Variants in CASK observed in about 807,000 individuals in gnomAD.
CASK encodes the protein peripheral plasma membrane protein CASK.
In CASK, 4 loss-of-function variants were observed where a neutral mutation model predicts 82.9. The ratio of observed to expected loss-of-function variants is 0.05; its 90% CI spans 0.02 to 0.11. CASK has a LOEUF of 0.11. CASK is among the 10% of genes least tolerant of loss of function. The pLI is 1.00. For synonymous variants in CASK, 259 were observed against 253.5 expected (o/e 1.02, Z -0.20); for missense variants, 358 against 720.9 (o/e 0.50, Z 5.76).
chrX:41,616,311 C>T (rs1424950197), intron 11 of CASK, among the ~76,000 whole-genome samples: 1 of 111,715 alleles, frequency 9.0e-6, no homozygotes. Context: ...TTATTATGTT[C>T]CAGGAACATC....
At chrX:41,814,941 G>C (rs1194101372) in intron 2 of CASK, among the ~76,000 whole-genome samples, 1 of 111,198 alleles carries the variant, frequency 9.0e-6, no homozygotes, top group Non-Finnish European at 1.9e-5. Context: ...AATGGAATGA[G>C]TACCAAATGA....
At chrX:41,815,570 A>G (rs925529573) in intron 2 of CASK, among the ~76,000 whole-genome samples, 1 of 111,921 alleles carries the variant, frequency 8.9e-6, no homozygotes, top group Non-Finnish European at 1.9e-5. Flanking sequence ...TGGATGAACT[A>G]AACAGATTAG....
chrX:41,640,989 T>C (rs1202103567), intron 8 of CASK, among the ~76,000 whole-genome samples: 99 of 94,782 alleles, frequency 1.0e-3, no homozygotes, highest in African/African-American at 3.7e-3. Context: ...TTTTTTTTTT[T>C]TTTTTTTTTT....
rs182354197 is a variant in CASK, at chrX:41,516,567, C to G, written c.*3853G>C. On this transcript the variant is annotated 3_prime_UTR_variant, in exon 27 of 27. Coordinates refer to ENST00000378163, the MANE Select transcript of CASK (RefSeq NM_001367721.1). ...ACGCTCAGGGACCTTTAACTTATTA[C>G]AGCCTGTAATCGCTCTCAGTATTGT... 8.9e-6 allele frequency: 1 copy of G among 112,040 alleles called. No individual in the cohort carries two copies. Among genetic ancestry groups the G allele is most frequent in the East Asian group, 2.8e-4 (1 of 3,591 alleles). The allele number at this position is 112,040 out of a possible 1,213,427, so 9.2% of individuals were successfully genotyped here.
chrX:41,826,194 T>C (rs774976663), intron 2 of CASK, among the ~76,000 whole-genome samples: 38 of 111,991 alleles, frequency 3.4e-4, no homozygotes, highest in Non-Finnish European at 5.5e-4. Context: ...ATCTCTCCCA[T>C]CCAGAGGTGG....
chrX:41,664,099 C>A (rs1205978922), intron 7 of CASK, among the ~76,000 whole-genome samples: 2 of 111,700 alleles, frequency 1.8e-5, no homozygotes, highest in African/African-American at 6.5e-5. Context: ...CTGAAAACAT[C>A]TTTCTCTGTT....
At chrX:41,559,621 G>A (rs182697888) in intron 18 of CASK, 158 bp downstream of exon 18, 15 of 520,368 alleles carry the variant, frequency 2.9e-5, no homozygotes, top group Admixed American at 2.7e-4. Context: ...TAGGTGGATG[G>A]GACCTACTCT....
intron 13 of CASK, 109 bp downstream of exon 13, chrX:41,589,406 G>T (rs1602310170): frequency 1.8e-6 from 1 of 544,664 alleles, no homozygotes; most frequent in Non-Finnish European, 3.2e-6. Context: ...AATATAATGA[G>T]TCAAATTGTG....
rs2066022623 is a variant in CASK at position 41,610,124 on chromosome X, A to T, written c.1034-99T>A. On this transcript the variant is annotated intron_variant, in intron 11 of 26. Transcript: ENST00000378163. ...TTACACTTAAGAACAATGAATTCATATCAGAACTTCAAAGGCTAGTGTCTT... is the reference window on the plus strand; with the variant it reads ...TTACACTTAAGAACAATGAATTCATTTCAGAACTTCAAAGGCTAGTGTCTT... 5.9e-6 allele frequency: 5 copies of T among 854,369 alleles called. No individual in the cohort carries two copies. The Admixed American group carries it at 1.3e-4, about 22-fold the overall frequency. The allele number at this position is 854,369 out of a possible 1,213,427, so 70.4% of individuals were successfully genotyped here. A position where few individuals can be genotyped will look rare whatever the true frequency, so the allele number is the denominator to read the frequency against.
chrX:41,569,684 G>T lies in CASK; in HGVS notation c.1566C>A (p.Gly522=). 6 of 1,171,085 alleles carry T rather than the reference G, an allele frequency of 5.1e-6. No homozygotes were observed. The highest frequency in any genetic ancestry group is 7.0e-6 in the Non-Finnish European group (6 of 860,261). Residue 522 remains glycine, a synonymous_variant, in exon 16 of 27, where the codon GGC becomes GGA. Transcript: ENST00000378163. The part of the protein sequence containing the change: ...HCIVARIMHG[G]MIHRQGTLHV... ...GAAACTTACCTTGCCTGTGAATCAT[G>T]CCCCCATGCATAATTCTTGCAACAA...
At chrX:41,833,450 G>A (rs1028059143) in intron 2 of CASK, among the ~76,000 whole-genome samples, 1 of 111,643 alleles carries the variant, frequency 9.0e-6, no homozygotes, top group African/African-American at 3.3e-5. Flanking sequence ...CATAGAAATA[G>A]AAAGTAGACT....
chrX:41,558,112 G>A (rs1343721355), intron 18 of CASK: 1 of 109,963 alleles, frequency 9.1e-6, no homozygotes, highest in Admixed American at 9.8e-5. Context: ...GAGGGGCAGG[G>A]GTCTACTCTT....
intron 16 of CASK, chrX:41,562,520 C>T: frequency 8.9e-6 from 1 of 111,894 alleles, no homozygotes; most frequent in East Asian, 2.8e-4. Flanking sequence ...GAAATGGTGT[C>T]ATACAGACTA....
At chrX:41,789,981 G>A (rs1445764431) in intron 2 of CASK, among the ~76,000 whole-genome samples, 1 of 111,472 alleles carries the variant, frequency 9.0e-6, no homozygotes, top group Non-Finnish European at 1.9e-5. Context: ...CCAGGTTGGA[G>A]TGCAGTGGCG....
chrX:41,534,906 T>G lies in CASK; in HGVS notation c.2223A>C (p.Thr741=). 8.4e-7 allele frequency: 1 copy of G among 1,193,160 alleles called. No homozygotes were observed. Among genetic ancestry groups the G allele is most frequent in the Non-Finnish European group, 1.1e-6 (1 of 878,684 alleles). Residue 741 remains threonine, a synonymous_variant, in exon 23 of 27, where the codon ACA becomes ACC. Transcript: ENST00000378163. Reference sequence around the variant, plus strand: ...AATCAAACTTACCTAATAAGACTAGTGTTTTCCTCTTGAATGCTGGCAGTT... The same window carrying G: ...AATCAAACTTACCTAATAAGACTAGGGTTTTCCTCTTGAATGCTGGCAGTT... ...VVKLPAFKRK[T]LVLLGAHGVG... is the part of the protein sequence containing the mutation.
chrX:41,695,805 A>T, intron 5 of CASK: 2 of 1,205,649 alleles, frequency 1.7e-6, no homozygotes, highest in Non-Finnish European at 2.2e-6. Flanking sequence ...TACTGTGTTA[A>T]CCACATCCTA....
At chrX:41,650,628 C>T (rs1406538199) in intron 8 of CASK, among the ~76,000 whole-genome samples, 2 of 107,241 alleles carry the variant, frequency 1.9e-5, no homozygotes, top group Admixed American at 1.0e-4. Context: ...TGCAGCCTTT[C>T]ACTCCTGGGC....
intron 8 of CASK, among the ~76,000 whole-genome samples, chrX:41,641,408 C>CT (rs1431493859): frequency 3.6e-5 from 4 of 111,486 alleles, no homozygotes; most frequent in Non-Finnish European, 7.5e-5. Context: ...ATCCTTTTCA[C>CT]TTTTTTTAAA....
At chrX:41,829,610 T>A (rs1389860503) in intron 2 of CASK, among the ~76,000 whole-genome samples, 2 of 27,995 alleles carry the variant, frequency 7.1e-5, no homozygotes, top group African/African-American at 2.7e-4. Flanking sequence ...GTTTTTGTTT[T>A]TTTTTTTTTT....
Sources: gnomAD v4.1 joint callset for allele counts (sites outside exome capture counted in the v4.1 genomes callset) on GRCh38, gnomAD v4.1.1 for gene constraint, MANE v1.5 for transcripts, NCBI Gene and HGNC (gene_info 2026-07-23, HGNC 2026-07-21) for gene names.